The following VAT1L variants were observed in gnomAD, a reference collection of about 807,000 sequenced individuals.
The protein encoded by VAT1L is putative NADPH-dependent quinone oxidoreductase VAT1L.
Under a neutral mutation model 44.1 loss-of-function variants are expected in VAT1L, and 34 were observed. The ratio of observed to expected loss-of-function variants is 0.77; its 90% CI spans 0.59 to 1.03. The LOEUF is 1.03. Ranked by LOEUF, VAT1L falls within the 50% of genes least tolerant of loss-of-function variation. The pLI, the probability that VAT1L is intolerant of heterozygous loss-of-function variation, is 0.00. For missense variants in VAT1L, 615 were observed against 538.8 expected (o/e 1.14, Z -1.40); for synonymous variants, 253 against 202.2 (o/e 1.25, Z -2.13).
intron 7 of VAT1L, among the ~76,000 whole-genome samples, chr16:77,961,465 T>C (rs745720631): frequency 2.0e-5 from 3 of 152,190 alleles, no homozygotes; most frequent in Non-Finnish European, 2.9e-5. Flanking sequence ...ATCTACATTT[T>C]AGAGATGGAG....
intron 7 of VAT1L, among the ~76,000 whole-genome samples, chr16:77,913,227 G>A (rs191110101): frequency 2.4e-4 from 36 of 152,218 alleles, no homozygotes; most frequent in Non-Finnish European, 4.0e-4. Context: ...TAAACGTACT[G>A]TCTTAAATTT....
chr16:77,835,190 A>G (rs1262330492), intron 3 of VAT1L, among the ~76,000 whole-genome samples: 1 of 152,138 alleles, frequency 6.6e-6, no homozygotes, highest in Non-Finnish European at 1.5e-5. Flanking sequence ...TTTTTTCTAT[A>G]TTCTAGAAGA....
intron 6 of VAT1L, chr16:77,882,014 G>A (rs969367499): frequency 1.3e-5 from 2 of 152,244 alleles, no homozygotes; most frequent in African/African-American, 4.8e-5. Context: ...GATGGGGATG[G>A]AGATTCCTCT....
chr16:77,903,320 C>T (rs2017404231), intron 7 of VAT1L, among the ~76,000 whole-genome samples: 1 of 152,110 alleles, frequency 6.6e-6, no homozygotes, highest in South Asian at 2.1e-4. Flanking sequence ...TTTTCTTTTT[C>T]ATTTGGAGTC....
chr16:77,876,349 C>T, intron 4 of VAT1L, 21 bp from the exon 5 acceptor site: 2 of 1,610,526 alleles, frequency 1.2e-6, no homozygotes, highest in Non-Finnish European at 8.5e-7. Flanking sequence ...CAGAATTTTG[C>T]TTTGCCTTCT....
chr16:77,802,649 C>G (rs897414794), intron 1 of VAT1L, among the ~76,000 whole-genome samples: 1 of 149,338 alleles, frequency 6.7e-6, no homozygotes, highest in South Asian at 2.2e-4. Context: ...CACACACACA[C>G]ACACACACAC....
chr16:77,893,437 A>G (rs183268848), intron 7 of VAT1L, among the ~76,000 whole-genome samples: 3 of 152,244 alleles, frequency 2.0e-5, no homozygotes, highest in African/African-American at 4.8e-5. Context: ...AGGGATAGAC[A>G]CTGGTGTGAA....
intron 7 of VAT1L, among the ~76,000 whole-genome samples, chr16:77,935,169 G>A (rs1377404992): frequency 2.0e-5 from 3 of 151,968 alleles, no homozygotes; most frequent in African/African-American, 7.3e-5. Flanking sequence ...CAGCATCTCT[G>A]AAAAAAATAG....
chr16:77,974,537 A>G lies in VAT1L; in HGVS notation c.1161+2604A>G, dbSNP rs535873628. ...ACAGGATCTGCCTGTGCCACACACAATGTCATTGTCCTTGTTTCTGAACCT... is the reference window on the plus strand; with the variant it reads ...ACAGGATCTGCCTGTGCCACACACAGTGTCATTGTCCTTGTTTCTGAACCT... On this transcript the variant is annotated intron_variant, in intron 8 of 8. Coordinates refer to ENST00000302536, the MANE Select transcript of VAT1L (RefSeq NM_020927.3). 8.5e-5 allele frequency among the ~76,000 whole-genome samples: 13 copies of G among 152,250 alleles called. No homozygotes were observed. In the South Asian group the frequency reaches 2.1e-3, roughly 24 times the overall value.
intron 3 of VAT1L, among the ~76,000 whole-genome samples, chr16:77,852,622 A>G (rs1488697085): frequency 3.3e-5 from 5 of 152,234 alleles, no homozygotes; most frequent in Non-Finnish European, 7.3e-5. Flanking sequence ...CCTTTCTTCC[A>G]GATGGCAATA....
At chr16:77,883,829 CTCCCCCAGGA>C (rs941441786) in intron 6 of VAT1L, among the ~76,000 whole-genome samples, 1 of 152,158 alleles carries the variant, frequency 6.6e-6, no homozygotes, top group Non-Finnish European at 1.5e-5. Context: ...ATCAAAACCA[CTCCCCCAGGA>C]AAGCTGCTTC....
chr16:77,805,679 A>G (rs17624987), intron 1 of VAT1L, among the ~76,000 whole-genome samples: 27,837 of 151,652 alleles, frequency 0.18, 2,695 homozygotes, highest in Admixed American at 0.23. Flanking sequence ...AAAGCTTTCT[A>G]TTGAGAATTT....
chr16:77,955,244 G>A (rs1208110075), intron 7 of VAT1L, among the ~76,000 whole-genome samples: 1 of 152,210 alleles, frequency 6.6e-6, no homozygotes, highest in Non-Finnish European at 1.5e-5. Flanking sequence ...AGGTGCTTTT[G>A]CCTCCCTAAG....
At chr16:77,885,005 T>A (rs1387176805) in intron 7 of VAT1L, among the ~76,000 whole-genome samples, 2 of 152,246 alleles carry the variant, frequency 1.3e-5, no homozygotes, top group Non-Finnish European at 2.9e-5. Flanking sequence ...GCAAACCACG[T>A]GCCTCATCAC....
intron 8 of VAT1L, among the ~76,000 whole-genome samples, chr16:77,972,450 T>G (rs955392294): frequency 1.3e-5 from 2 of 152,170 alleles, no homozygotes; most frequent in African/African-American, 4.8e-5. Context: ...CTTGAGCAGC[T>G]GAGACTACAG....
In VAT1L at chr16:77,892,398, G is replaced by A. The variant is rs186301559; in HGVS notation, c.1077+7596G>A. On this transcript the variant is annotated intron_variant, in intron 7 of 8. Coordinates refer to ENST00000302536, the MANE Select transcript of VAT1L (RefSeq NM_020927.3). Reference sequence around the variant, plus strand: ...GGGCAAGGATTTAAAAGCATCTCCTGGCTCTGCAGACACTGCTGCTGCACC... The same window carrying A: ...GGGCAAGGATTTAAAAGCATCTCCTAGCTCTGCAGACACTGCTGCTGCACC... The A allele has an allele frequency of 7.1e-3, 2,884 of 409,060 alleles. 34 individuals carry two copies. Among genetic ancestry groups the A allele is most frequent in the South Asian group, 9.7e-3 (494 of 50,700 alleles). The allele number at this position is 409,060 out of a possible 1,614,324, so 25.3% of individuals were successfully genotyped here.
intron 7 of VAT1L, among the ~76,000 whole-genome samples, chr16:77,911,638 T>C (rs532016291): frequency 3.5e-4 from 53 of 152,274 alleles, no homozygotes; most frequent in South Asian, 1.2e-3. Context: ...TGCCACCAGA[T>C]TGCACTTCCC....
chr16:77,819,837 C>A (rs1438698228), intron 2 of VAT1L, among the ~76,000 whole-genome samples: 1 of 152,248 alleles, frequency 6.6e-6, no homozygotes, highest in African/African-American at 2.4e-5. Context: ...TATTTAACTG[C>A]TGATTGCTAA....
At chr16:77,950,123 C>T (rs1444549948) in intron 7 of VAT1L, among the ~76,000 whole-genome samples, 1 of 152,128 alleles carries the variant, frequency 6.6e-6, no homozygotes, top group Non-Finnish European at 1.5e-5. Flanking sequence ...AACACAAAAA[C>T]ATTGGCCAGG....
Sources: gnomAD v4.1 joint callset for allele counts (sites outside exome capture counted in the v4.1 genomes callset) on GRCh38, gnomAD v4.1.1 for gene constraint, MANE v1.5 for transcripts, NCBI Gene and HGNC (gene_info 2026-07-23, HGNC 2026-07-21) for gene names.